Variants in ZSCAN5A observed in about 807,000 individuals in gnomAD.
ZSCAN5A encodes zinc finger and SCAN domain-containing protein 5A.
A neutral mutation model predicts 23.7 loss-of-function variants in ZSCAN5A; 12 were observed. The observed-to-expected ratio is 0.51, with a 90% CI of 0.32 to 0.82. ZSCAN5A has a LOEUF of 0.82. Ranked by LOEUF, ZSCAN5A falls within the 40% of genes least tolerant of loss-of-function variation. The pLI, the probability that ZSCAN5A is intolerant of heterozygous loss-of-function variation, is 0.03. For missense variants in ZSCAN5A, 597 were observed against 617.9 expected, an observed-to-expected ratio of 0.97 and a Z score of 0.36; for synonymous variants, 257 against 239.9, an observed-to-expected ratio of 1.07 and a Z score of -0.66.
chr19:56,254,566 G>A (rs945294217), intron 2 of ZSCAN5A, among the ~76,000 whole-genome samples: 10 of 152,100 alleles, frequency 6.6e-5, no homozygotes, highest in African/African-American at 1.9e-4. Flanking sequence ...AATGAACATA[G>A]GAGTATGAGT....
At chr19:56,319,498 G>GGAAAAAAA (rs752672172), upstream of ZSCAN5A, among the ~76,000 whole-genome samples, 301 of 78,426 alleles carry the variant, frequency 3.8e-3, 7 homozygotes, top group African/African-American at 0.012. Context: ...TCCATCTCGG[G>GGAAAAAAA]AAAAAAAAAA....
At chr19:56,341,722 A>AAAAAAC (rs2041594655) in intron 2 of ZSCAN5A, among the ~76,000 whole-genome samples, 1 of 150,684 alleles carries the variant, frequency 6.6e-6, no homozygotes, top group South Asian at 2.1e-4. Context: ...AAAAAAAAAA[A>AAAAAAC]AAAAACCCTT....
intron 2 of ZSCAN5A, among the ~76,000 whole-genome samples, chr19:56,249,445 T>C (rs2036190375): frequency 1.3e-5 from 2 of 152,150 alleles, no homozygotes; most frequent in African/African-American, 4.8e-5. Context: ...GCTAATTTTT[T>C]ATTTTTAGTA....
chr19:56,359,114 C>CA lies in ZSCAN5A; in HGVS notation c.-358+4120dup, dbSNP rs199640565. On this transcript the variant is annotated intron_variant, in intron 2 of 6. Transcript: ENST00000587340. ...GAAGAAAGAGACACAAAACACCCTTCAAAAAAATCGACAAATCCAGGAGCT... is the reference window on the plus strand; with the variant it reads ...GAAGAAAGAGACACAAAACACCCTTCAAAAAAAATCGACAAATCCAGGAGCT... Among the ~76,000 whole-genome samples the CA allele has an allele frequency of 1.4e-3, 218 of 150,368 alleles. 3 individuals carry two copies. The East Asian group carries it at 0.031, about 21-fold the overall frequency.
intron 2 of ZSCAN5A, among the ~76,000 whole-genome samples, chr19:56,270,055 A>G (rs2037737995): frequency 6.6e-6 from 1 of 151,942 alleles, no homozygotes; most frequent in Non-Finnish European, 1.5e-5. Flanking sequence ...GCTGTCTGTG[A>G]CTATAACAAC....
chr19:56,265,134 ATAAAT>A (rs1458157283), intron 2 of ZSCAN5A, among the ~76,000 whole-genome samples: 1 of 151,900 alleles, frequency 6.6e-6, no homozygotes, highest in African/African-American at 2.4e-5. Flanking sequence ...AAATAAATAA[ATAAAT>A]TAAATAAATG....
chr19:56,340,727 T>G (rs1463132227), intron 2 of ZSCAN5A: 1 of 152,214 alleles, frequency 6.6e-6, no homozygotes, highest in Non-Finnish European at 1.5e-5. Flanking sequence ...TTCTGTGGAA[T>G]AAGAAGGAGA....
intron 2 of ZSCAN5A, among the ~76,000 whole-genome samples, chr19:56,241,896 G>A (rs913749875): frequency 6.6e-6 from 1 of 152,170 alleles, no homozygotes; most frequent in African/African-American, 2.4e-5. Flanking sequence ...TTACATGAGT[G>A]TATTGAGTGA....
At chr19:56,245,473 A>G (rs2035808760) in intron 2 of ZSCAN5A, 1 of 566,216 alleles carries the variant, frequency 1.8e-6, no homozygotes, top group Non-Finnish European at 3.2e-6. Flanking sequence ...GAGAAGGAAC[A>G]GGAGAAAACT....
intron 2 of ZSCAN5A, among the ~76,000 whole-genome samples, chr19:56,227,524 T>A (rs554476897): frequency 6.6e-6 from 1 of 152,294 alleles, no homozygotes; most frequent in African/African-American, 2.4e-5. Context: ...TGGTTTCATG[T>A]TCCTAGAAAT....
At chr19:56,331,227 T>C (rs535360347) in intron 2 of ZSCAN5A, among the ~76,000 whole-genome samples, 1 of 152,206 alleles carries the variant, frequency 6.6e-6, no homozygotes, top group Non-Finnish European at 1.5e-5. Flanking sequence ...TCAAGTAATG[T>C]GATGCTTCCA....
At chr19:56,268,301 C>G (rs141019448) in intron 2 of ZSCAN5A, among the ~76,000 whole-genome samples, 1 of 152,294 alleles carries the variant, frequency 6.6e-6, no homozygotes, top group Non-Finnish European at 1.5e-5. Context: ...TGTGTGGGCG[C>G]TGCCCCTGTG....
intron 2 of ZSCAN5A, chr19:56,320,022 CA>C: frequency 1.2e-6 from 1 of 846,602 alleles, no homozygotes; most frequent in Non-Finnish European, 2.1e-6. Flanking sequence ...GGAACATCAA[CA>C]ATGGTAATAA....
At chr19:56,361,893 C>G (rs975575016) in intron 2 of ZSCAN5A, among the ~76,000 whole-genome samples, 1 of 152,122 alleles carries the variant, frequency 6.6e-6, no homozygotes, top group Admixed American at 6.6e-5. Context: ...TGCGGTGGCT[C>G]ACACCTGTAA....
chr19:56,305,791 G>C (rs1838935431), intron 2 of ZSCAN5A, among the ~76,000 whole-genome samples: 1 of 152,164 alleles, frequency 6.6e-6, no homozygotes, highest in African/African-American at 2.4e-5. Flanking sequence ...TGGATAGTTG[G>C]GTGATGAAGG....
At chr19:56,335,279 C>T (rs1342110189) in intron 2 of ZSCAN5A, among the ~76,000 whole-genome samples, 2 of 151,978 alleles carry the variant, frequency 1.3e-5, no homozygotes, top group Non-Finnish European at 1.5e-5. Context: ...ATAACCAAAC[C>T]TCCAAGAAAT....
At chr19:56,319,030 T>C (rs1440665296), upstream of ZSCAN5A, among the ~76,000 whole-genome samples, 1 of 152,148 alleles carries the variant, frequency 6.6e-6, no homozygotes, top group East Asian at 1.9e-4. Context: ...CACTTGATAA[T>C]AAAAGGCAAT....
At chr19:56,361,254 G>A (rs187547852) in intron 2 of ZSCAN5A, among the ~76,000 whole-genome samples, 1 of 152,336 alleles carries the variant, frequency 6.6e-6, no homozygotes, top group East Asian at 1.9e-4. Flanking sequence ...TACACTGTTT[G>A]TGGGAATGTA....
intron 2 of ZSCAN5A, among the ~76,000 whole-genome samples, chr19:56,243,092 C>T (rs8110092): frequency 0.57 from 87,305 of 151,854 alleles, 25,534 homozygotes; most frequent in South Asian, 0.72. Context: ...AAAAATCTAT[C>T]GTATTATTTC....
Sources: gnomAD v4.1 joint callset for allele counts (sites outside exome capture counted in the v4.1 genomes callset) on GRCh38, gnomAD v4.1.1 for gene constraint, MANE v1.5 for transcripts, NCBI Gene and HGNC (gene_info 2026-07-23, HGNC 2026-07-21) for gene names.